The following WNK1 variants were observed in gnomAD, a reference collection of about 807,000 sequenced individuals.
WNK1 encodes the protein serine/threonine-protein kinase WNK1.
In WNK1, 38 loss-of-function variants were observed where a neutral mutation model predicts 222.8. That is an observed-to-expected ratio of 0.17 (90% CI 0.13 to 0.22). WNK1 has a LOEUF of 0.22. WNK1 is among the 10% of genes least tolerant of loss of function. The probability of loss-of-function intolerance (pLI) is 1.00; values close to 1 mark genes in which losing one functional copy is unlikely to be tolerated. For missense variants in WNK1, 2,348 were observed against 2,918.4 expected (o/e 0.80, Z 4.50); for synonymous variants, 1,090 against 1,092.9 (o/e 1.00, Z 0.05).
rs976904784 is a variant in WNK1 at position 788,334 on chromosome 12, ACT to A, written c.760-25307_760-25306del. Among the ~76,000 whole-genome samples the A allele has an allele frequency of 6.4e-4, 97 of 152,240 alleles. 1 individual carries two copies. Among genetic ancestry groups the A allele is most frequent in the Non-Finnish European group, 1.2e-4 (8 of 68,010 alleles). On this transcript the variant is annotated intron_variant, in intron 1 of 27. Coordinates refer to ENST00000315939, the MANE Select transcript of WNK1 (RefSeq NM_018979.4). ...GCTTCTTGAAATTAAAAAAAAAGCT[ACT>A]GTGTGTAATACTATATGGAAATTAA...
In WNK1 at chr12:908,484, A is replaced by G. The variant is rs1955886978; in HGVS notation, c.6841A>G (p.Met2281Val). ...GTGGTTTTGTTTTCAGGGCCCTGGA[A>G]TGGCAAGGAAGTTCTCTGCACCTGG... ...KGHMNYEGPG[M>V]ARKFSAPGQL... The change falls in exon 28 of 28, where the codon ATG (methionine) becomes GTG (valine). Residue 2281 changes from methionine to valine, a missense_variant. Around this residue, in one of 13 missense-constraint regions of WNK1, gnomAD observed 55 missense variants for 104.1 expected, o/e 0.53. Transcript: ENST00000315939. The G allele has an allele frequency of 6.2e-7, 1 of 1,614,068 alleles. No individual in the cohort carries two copies. The highest frequency in any genetic ancestry group is 1.1e-5 in the South Asian group (1 of 91,094).
intron 12 of WNK1, 133 bp downstream of exon 12, chr12:881,132 C>A: frequency 8.5e-7 from 1 of 1,172,284 alleles, no homozygotes; most frequent in South Asian, 1.4e-5. Flanking sequence ...TTCTGCATGA[C>A]TTTTTCTTAC....
intron 26 of WNK1, chr12:901,456 C>T: frequency 1.6e-6 from 1 of 632,478 alleles, no homozygotes; most frequent in Non-Finnish European, 2.3e-6. Context: ...TTCTGTGTGC[C>T]ATCTTAGTGC....
intron 4 of WNK1, among the ~76,000 whole-genome samples, chr12:853,494 G>C (rs1222142144): frequency 6.6e-6 from 1 of 152,118 alleles, no homozygotes; most frequent in Non-Finnish European, 1.5e-5. Flanking sequence ...AAGGAGCTTT[G>C]AACCCAGATA....
In WNK1 at chr12:865,329, C is replaced by T. The variant is rs748504277; in HGVS notation, c.2139+3059C>T. ...GCACTCTGCCTCTCAGCGCAAGCAC[C>T]GACGCTCCAGCCTGCCTTCCCTCTT... is the stretch of plus-strand genomic sequence containing the variant. On this transcript the variant is annotated intron_variant, in intron 8 of 27. Coordinates refer to ENST00000315939, the MANE Select transcript of WNK1 (RefSeq NM_018979.4). The T allele has an allele frequency of 1.8e-5, 28 of 1,535,990 alleles. No individual in the cohort carries two copies. The highest frequency in any genetic ancestry group is 3.3e-4 in the Middle Eastern group (2 of 6,012).
intron 20 of WNK1, 34 bp from the exon 21 acceptor site, chr12:889,106 C>T (rs72650751): frequency 0.01 from 16,548 of 1,586,588 alleles, 115 homozygotes; most frequent in Non-Finnish European, 0.012. Context: ...GAAGGTGCCA[C>T]GGAACTGTAT....
intron 8 of WNK1, chr12:865,028 T>C: frequency 7.0e-7 from 1 of 1,420,976 alleles, no homozygotes; most frequent in Non-Finnish European, 9.2e-7. Context: ...TTCATGCAAC[T>C]ATGCCCTGTT....
chr12:760,542 A>G (rs937076986), intron 1 of WNK1, among the ~76,000 whole-genome samples: 4 of 147,900 alleles, frequency 2.7e-5, no homozygotes, highest in African/African-American at 9.7e-5. Context: ...ATAACAGAAT[A>G]CTTAAATATT....
chr12:828,306 CAAAATAAAA>C (rs1301598674), intron 3 of WNK1, among the ~76,000 whole-genome samples: 1 of 150,214 alleles, frequency 6.7e-6, no homozygotes, highest in Non-Finnish European at 1.5e-5. Context: ...ACTCCATCTC[CAAAATAAAA>C]AAAATAAAAA....
At chr12:867,538 A>C (rs1250928413) in intron 8 of WNK1, among the ~76,000 whole-genome samples, 2 of 152,214 alleles carry the variant, frequency 1.3e-5, no homozygotes, top group African/African-American at 4.8e-5. Flanking sequence ...AATTTACATT[A>C]ATGCTTAAGA....
At chr12:843,898 T>G (rs948854160) in intron 4 of WNK1, among the ~76,000 whole-genome samples, 4 of 152,182 alleles carry the variant, frequency 2.6e-5, no homozygotes, top group Non-Finnish European at 5.9e-5. Flanking sequence ...AGTAATCCCT[T>G]AAGGTCTTTT....
chr12:873,730 CT>C, intron 9 of WNK1, among the ~76,000 whole-genome samples: 1 of 152,192 alleles, frequency 6.6e-6, no homozygotes, highest in Non-Finnish European at 1.5e-5. Flanking sequence ...AGGTTGAAAA[CT>C]TTTTGTACTA....
intron 1 of WNK1, among the ~76,000 whole-genome samples, chr12:768,969 C>G (rs1439679034): frequency 6.6e-6 from 1 of 151,896 alleles, no homozygotes; most frequent in Non-Finnish European, 1.5e-5. Context: ...ACCACCACAC[C>G]CGGCTAATTT....
rs1216153011 is a variant in WNK1 at position 885,094 on chromosome 12, A to T, written c.4290A>T (p.Ser1430=). The T allele has an allele frequency of 1.2e-6, 2 of 1,614,070 alleles. No homozygotes were observed. The highest frequency in any genetic ancestry group is 2.7e-5 in the African/African-American group (2 of 74,926). Residue 1430 remains serine, a synonymous_variant, in exon 19 of 28, where the codon TCA becomes TCT. Coordinates refer to ENST00000315939, the MANE Select transcript of WNK1 (RefSeq NM_018979.4). ...TCTCAATATCTACTACATCCCCGTC[A>T]CTTCAAGTCCCCACATCCACATCTG... ...AVVSISTTSP[S]LQVPTSTSEI...
rs560425186 is a variant in WNK1, at chr12:773,140, C to T, written c.759+18816C>T. ...GGGTGTGGTGACGCATGCCTGTTAT[C>T]CCAGCTACTTGGGAGGCTGAGGCAG... On this transcript the variant is annotated intron_variant, in intron 1 of 27. Transcript: ENST00000315939. 2.0e-5 allele frequency among the ~76,000 whole-genome samples: 3 copies of T among 152,232 alleles called. No individual in the cohort carries two copies. In the East Asian group the frequency reaches 5.8e-4, roughly 29 times the overall value.
rs1952123296 is a variant in WNK1 at position 871,282 on chromosome 12, G to T, written c.2157G>T (p.Gln719His). The T allele has an allele frequency of 6.2e-7, 1 of 1,614,076 alleles. No homozygotes were observed. The highest frequency in any genetic ancestry group is 1.3e-5 in the African/African-American group (1 of 74,924). The change falls in exon 9 of 28, where the codon CAG becomes CAT. Residue 719 changes from glutamine (Q) to histidine (H), a missense_variant. Physicochemically the swap from Gln to His is conservative, Grantham distance 24 (BLOSUM62 0). Around this residue, in one of 13 missense-constraint regions of WNK1, gnomAD observed 547 missense variants for 558.3 expected, o/e 0.98. Transcript: ENST00000315939. ...TCCTTCAGGCACAGGGGCAGAGCCA[G>T]GGTCAGCCATCCTCAAGTAGCTTAA... The part of the protein sequence containing the change: ...PPSSVAQGQS[Q>H]GQPSSSSLTG...
At chr12:871,132 A>G (rs969457958) in intron 8 of WNK1, 133 bp from the exon 9 acceptor site, 4 of 843,410 alleles carry the variant, frequency 4.7e-6, no homozygotes, top group Non-Finnish European at 7.9e-6. Flanking sequence ...GGCCTCTCCC[A>G]TACATAATCA....
At chr12:900,267 C>T (rs898544518) in intron 25 of WNK1, among the ~76,000 whole-genome samples, 1 of 152,066 alleles carries the variant, frequency 6.6e-6, no homozygotes, top group Non-Finnish European at 1.5e-5. Context: ...ATATTATAGG[C>T]GTGAGCCACA....
chr12:890,026 C>T (rs1216207449), intron 21 of WNK1, among the ~76,000 whole-genome samples: 1 of 145,896 alleles, frequency 6.9e-6, no homozygotes, highest in Non-Finnish European at 1.5e-5. Flanking sequence ...GATCTTGGCT[C>T]ACTGCAACCA....
Sources: gnomAD v4.1 joint callset for allele counts (sites outside exome capture counted in the v4.1 genomes callset) on GRCh38, gnomAD v4.1.1 for gene constraint, gnomAD v4.1.1 regional missense constraint, MANE v1.5 for transcripts, NCBI Gene and HGNC (gene_info 2026-07-23, HGNC 2026-07-21) for gene names.